The following FADS3 variants were observed in gnomAD, a reference collection of about 807,000 sequenced individuals.
The protein encoded by FADS3 is cytochrome b5-related protein.
A neutral mutation model predicts 60.4 loss-of-function variants in FADS3; 30 were observed. The observed-to-expected ratio is 0.50, with a 90% CI of 0.37 to 0.67. The LOEUF (loss-of-function observed/expected upper bound fraction) is 0.67, where lower values mean the gene tolerates loss of function less well. Ranked by LOEUF, FADS3 falls within the 30% of genes least tolerant of loss-of-function variation. FADS3 has a pLI of 0.00. For synonymous variants in FADS3, 234 were observed against 249.3 expected, an observed-to-expected ratio of 0.94 and a Z score of 0.58; for missense variants, 432 against 598.3, an observed-to-expected ratio of 0.72 and a Z score of 2.90.
At chr11:61,890,909 A>G (rs1181107969) in intron 1 of FADS3, among the ~76,000 whole-genome samples, 1 of 152,126 alleles carries the variant, frequency 6.6e-6, no homozygotes, top group East Asian at 1.9e-4. Context: ...CTGCAGCATG[A>G]CACACCCACC....
chr11:61,873,615 C>G lies in FADS3; in HGVS notation c.*199G>C. ...TGCTATGCTCACCTTCCCTCTACCC[C>G]TGTCCCATCAGGCCCAGAGCCAAGG... On this transcript the variant is annotated 3_prime_UTR_variant, in exon 12 of 12. Coordinates refer to ENST00000278829, the MANE Select transcript of FADS3 (RefSeq NM_021727.5). 1 of 604,298 alleles carries G rather than the reference C, an allele frequency of 1.7e-6. No individual in the cohort carries two copies. Among genetic ancestry groups the G allele is most frequent in the Non-Finnish European group, 3.0e-6 (1 of 336,882 alleles). The allele number at this position is 604,298 out of a possible 1,614,324, so 37.4% of individuals were successfully genotyped here. A position where few individuals can be genotyped will look rare whatever the true frequency, so the allele number is the denominator to read the frequency against.
At chr11:61,889,981 G>A (rs186446361) in intron 1 of FADS3, among the ~76,000 whole-genome samples, 1,536 of 152,302 alleles carry the variant, frequency 0.01, 35 homozygotes, top group African/African-American at 0.035. Flanking sequence ...CTGGCAGAAA[G>A]GCAGGCACAC....
chr11:61,888,350 C>T (rs540474345), intron 1 of FADS3, among the ~76,000 whole-genome samples: 5 of 152,348 alleles, frequency 3.3e-5, no homozygotes, highest in East Asian at 1.9e-4. Context: ...CTGAGGCCAC[C>T]GCCCGGGATG....
At chr11:61,888,675 G>C (rs1184037938) in intron 1 of FADS3, among the ~76,000 whole-genome samples, 1 of 152,188 alleles carries the variant, frequency 6.6e-6, no homozygotes, top group Admixed American at 6.5e-5. Context: ...CTCACACTTA[G>C]GGGCCAGCAG....
At chr11:61,885,381 G>C (rs1423498591) in intron 1 of FADS3, among the ~76,000 whole-genome samples, 1 of 152,176 alleles carries the variant, frequency 6.6e-6, no homozygotes, top group Non-Finnish European at 1.5e-5. Context: ...ATCTCACAAG[G>C]CTGCTGGGAG....
At position 61,891,481 on chromosome 11, in the gene FADS3, C is replaced by T; in HGVS notation, c.-100G>A. On this transcript the variant is annotated 5_prime_UTR_variant, in exon 1 of 12. Transcript: ENST00000278829. ...CTCCCGGGCGCCGCCTCCGCCGCCG[C>T]CCGCTGCTCCGGCCCCGCCCTGCCG... The T allele has an allele frequency of 1.2e-6, 1 of 827,892 alleles. No homozygotes were observed. The highest frequency in any genetic ancestry group is 1.6e-6 in the Non-Finnish European group (1 of 615,352). The allele number at this position is 827,892 out of a possible 1,614,324, so 51.3% of individuals were successfully genotyped here. A position where few individuals can be genotyped will look rare whatever the true frequency, so the allele number is the denominator to read the frequency against.
chr11:61,879,904 G>C (rs1938063731), intron 2 of FADS3, 137 bp downstream of exon 2: 1 of 664,038 alleles, frequency 1.5e-6, no homozygotes, highest in Admixed American at 2.9e-5. Context: ...TGGGAGGGGA[G>C]GGCAGGCTCA....
At chr11:61,888,158 C>T (rs960392380) in intron 1 of FADS3, among the ~76,000 whole-genome samples, 65 of 152,370 alleles carry the variant, frequency 4.3e-4, no homozygotes, top group Non-Finnish European at 8.4e-4. Context: ...GAGTACTCTC[C>T]CCAGGGCACC....
chr11:61,884,778 G>A (rs758277150), intron 1 of FADS3, among the ~76,000 whole-genome samples: 5 of 152,174 alleles, frequency 3.3e-5, no homozygotes, highest in South Asian at 4.1e-4. Flanking sequence ...GCACCCAAGC[G>A]AGTGGAAAGC....
At chr11:61,875,401 T>G (rs868384343) in intron 11 of FADS3, among the ~76,000 whole-genome samples, 5,916 of 148,476 alleles carry the variant, frequency 0.04, 477 homozygotes, top group African/African-American at 0.14. Context: ...TTTTTTTTTT[T>G]TTTTTTTTTT....
At position 61,876,503 on chromosome 11, in the gene FADS3, C is replaced by A; in HGVS notation, c.984-48G>T. On this transcript the variant is annotated intron_variant, in intron 8 of 11. Coordinates refer to ENST00000278829, the MANE Select transcript of FADS3 (RefSeq NM_021727.5). This position sits in a 1 kb window ranked among gnomAD's most constrained non-coding sequence, Gnocchi z 5.7. The stretch of plus-strand genomic sequence containing the variant: ...CCCTAGGTCCAGCTCACCACTTAGG[C>A]ACCCTGAGTGGAGGCTGGAGAGCAG... The A allele has an allele frequency of 6.9e-7, 1 of 1,457,360 alleles. No individual in the cohort carries two copies. The highest frequency in any genetic ancestry group is 9.6e-7 in the Non-Finnish European group (1 of 1,038,672). The allele number at this position is 1,457,360 out of a possible 1,614,324, so 90.3% of individuals were successfully genotyped here.
intron 2 of FADS3, among the ~76,000 whole-genome samples, 198 bp downstream of exon 2, chr11:61,879,843 C>T (rs564577513): frequency 7.2e-5 from 11 of 152,334 alleles, no homozygotes; most frequent in African/African-American, 2.2e-4. Context: ...GATCTGGAGC[C>T]CTGGACTTCT....
intron 11 of FADS3, 109 bp downstream of exon 11, chr11:61,875,742 A>G (rs947706682): frequency 7.3e-7 from 1 of 1,368,784 alleles, no homozygotes; most frequent in Admixed American, 2.1e-5. Flanking sequence ...TGGGACGTGG[A>G]CAGAAAGGCT....
chr11:61,889,044 C>T (rs111907327), intron 1 of FADS3, among the ~76,000 whole-genome samples: 6 of 147,752 alleles, frequency 4.1e-5, no homozygotes, highest in African/African-American at 9.8e-5. Context: ...TACAGGCATG[C>T]GCCACCACGC....
At chr11:61,883,108 A>T (rs996683121) in intron 1 of FADS3, among the ~76,000 whole-genome samples, 1 of 152,198 alleles carries the variant, frequency 6.6e-6, no homozygotes, top group Non-Finnish European at 1.5e-5. Context: ...CAGTGGTATT[A>T]AGTGCATGCA....
In FADS3 at chr11:61,891,202, G is replaced by T; in HGVS notation, c.180C>A (p.Arg60=). The change falls in exon 1 of 12, where the codon CGC becomes CGA. Residue 60 remains arginine, a synonymous_variant. Transcript: ENST00000278829. ...RWAQRHPGGS[R]LIGHHGAEDA... ...CCTCAGCGCCGTGGTGGCCGATGAG[G>T]CGGCTGCCCCCTGGGTGCCGCTGTG... The T allele has an allele frequency of 1.3e-6, 2 of 1,563,332 alleles. No homozygotes were observed. The highest frequency in any genetic ancestry group is 2.3e-5 in the South Asian group (2 of 85,278).
At chr11:61,882,274 CTAATTTTTTATTTT>C (rs1938163676) in intron 1 of FADS3, 1 of 151,674 alleles carries the variant, frequency 6.6e-6, no homozygotes, top group Admixed American at 6.6e-5. Flanking sequence ...CCATGCCCAG[CTAATTTTTTATTTT>C]TATTTTTTGT....
chr11:61,875,379 GTTTTTTTTTTTTT>G (rs58200660), intron 11 of FADS3, among the ~76,000 whole-genome samples: 3 of 128,496 alleles, frequency 2.3e-5, no homozygotes, highest in Non-Finnish European at 3.3e-5. Context: ...GCTAATTTTT[GTTTTTTTTTTTTT>G]TTTTTTTTTT....
In FADS3 at chr11:61,877,711, C is replaced by T. The variant is rs1591192151; in HGVS notation, c.809-124G>A. 1 of 815,676 alleles carries T rather than the reference C, an allele frequency of 1.2e-6. No individual in the cohort carries two copies. Among genetic ancestry groups the T allele is most frequent in the Non-Finnish European group, 1.9e-6 (1 of 528,494 alleles). 50.5% of individuals were successfully genotyped at this position (815,676 alleles called of 1,614,324 possible). On this transcript the variant is annotated intron_variant, in intron 6 of 11. Coordinates refer to ENST00000278829, the MANE Select transcript of FADS3 (RefSeq NM_021727.5). This position sits in a 1 kb window ranked among gnomAD's most constrained non-coding sequence, Gnocchi z 4.7. ...GGACGTTGGTGCTGGTCACATCCAG[C>T]TGAATGACCCCATATCACCCCCAAT...
Sources: allele counts gnomAD v4.1 joint callset (sites outside exome capture counted in the v4.1 genomes callset), GRCh38; gene constraint gnomAD v4.1.1; non-coding constraint Gnocchi (gnomAD v3.1); transcripts MANE v1.5; gene names NCBI Gene and HGNC (gene_info 2026-07-23, HGNC 2026-07-21).